Variants in NIPAL2 observed in about 807,000 individuals in gnomAD.
The protein encoded by NIPAL2 is NIPA-like protein 2.
NIPAL2 carries 43 observed loss-of-function variants against 48.9 expected under a neutral mutation model. The ratio of observed to expected loss-of-function variants is 0.88; its 90% CI spans 0.69 to 1.13. The LOEUF is 1.13. Among genes scored for constraint, NIPAL2 ranks in the 50% most tolerant of loss-of-function variants. The pLI is 0.00. For missense variants in NIPAL2, 446 were observed against 461.4 expected (o/e 0.97, Z 0.31); for synonymous variants, 167 against 174.6 (o/e 0.96, Z 0.34).
intron 1 of NIPAL2, among the ~76,000 whole-genome samples, chr8:98,263,952 C>A (rs1814535725): frequency 7.4e-6 from 1 of 135,820 alleles, no homozygotes; most frequent in African/African-American, 2.8e-5. Flanking sequence ...GGGCTTCATC[C>A]CTGGGATGCA....
At chr8:98,242,805 C>T (rs1813067526) in intron 3 of NIPAL2, among the ~76,000 whole-genome samples, 1 of 152,040 alleles carries the variant, frequency 6.6e-6, no homozygotes, top group Admixed American at 6.6e-5. Context: ...TATTCTTAAC[C>T]ATACAAAATG....
At chr8:98,284,399 TTCTCTC>T in intron 1 of NIPAL2, among the ~76,000 whole-genome samples, 1 of 117,322 alleles carries the variant, frequency 8.5e-6, no homozygotes, top group South Asian at 2.7e-4. Context: ...TTCTAAGGCA[TTCTCTC>T]TCTCTCTCTC....
chr8:98,252,715 A>G (rs1813663101), intron 2 of NIPAL2, 81 bp from the exon 3 acceptor site: 1 of 1,183,704 alleles, frequency 8.4e-7, no homozygotes, highest in South Asian at 1.6e-5. Context: ...GTATTCCTTT[A>G]ATTCTTTTTA....
At chr8:98,288,056 A>G (rs557385976) in intron 1 of NIPAL2, among the ~76,000 whole-genome samples, 1 of 152,280 alleles carries the variant, frequency 6.6e-6, no homozygotes, top group African/African-American at 2.4e-5. Flanking sequence ...TTTAATTATT[A>G]TACTTTAAGT....
intron 6 of NIPAL2, among the ~76,000 whole-genome samples, chr8:98,206,328 A>ATATC: frequency 6.7e-6 from 1 of 150,044 alleles, no homozygotes; most frequent in Admixed American, 6.6e-5. Flanking sequence ...ATATATATAT[A>ATATC]TGTATGTATG....
At chr8:98,193,252 A>C in intron 10 of NIPAL2, 162 bp from the exon 11 acceptor site, 1 of 1,132,874 alleles carries the variant, frequency 8.8e-7, no homozygotes. Context: ...AGGCCCTTGA[A>C]ACGCCATGTC....
chr8:98,246,067 A>G (rs768795536), intron 3 of NIPAL2, among the ~76,000 whole-genome samples: 90 of 152,204 alleles, frequency 5.9e-4, no homozygotes, highest in Non-Finnish European at 1.0e-3. Flanking sequence ...AATTCGCAGC[A>G]TCTAGGTTTG....
At chr8:98,233,526 A>C (rs532858803) in intron 4 of NIPAL2, among the ~76,000 whole-genome samples, 12 of 152,220 alleles carry the variant, frequency 7.9e-5, no homozygotes, top group African/African-American at 2.7e-4. Context: ...ACTGTCTTAC[A>C]TATTTGCCAG....
chr8:98,191,869 C>T lies in NIPAL2; in HGVS notation c.*1109G>A, dbSNP rs1025167502. ...GCTTCCTCTTGAAGCTCAGGTTTGA[C>T]CACTGGGTTGTTTTCTATGTCTACA... On this transcript the variant is annotated 3_prime_UTR_variant, in exon 11 of 11. Coordinates refer to ENST00000430223, the MANE Select transcript of NIPAL2 (RefSeq NM_001321635.2). 3 of 152,178 alleles carry T rather than the reference C, an allele frequency of 2.0e-5. No individual in the cohort carries two copies. The highest frequency in any genetic ancestry group is 4.4e-5 in the Non-Finnish European group (3 of 68,040). The allele number at this position is 152,178 out of a possible 1,614,324, so 9.4% of individuals were successfully genotyped here.
intron 5 of NIPAL2, among the ~76,000 whole-genome samples, chr8:98,221,277 C>T (rs1811857129): frequency 6.6e-6 from 1 of 151,724 alleles, no homozygotes; most frequent in East Asian, 1.9e-4. Flanking sequence ...TGCCCAGCCT[C>T]ATTTCATTCT....
chr8:98,294,113 G>A lies in NIPAL2; in HGVS notation c.25C>T (p.Pro9Ser). 1.4e-6 allele frequency: 2 copies of A among 1,474,640 alleles called. No individual in the cohort carries two copies. Among genetic ancestry groups the A allele is most frequent in the Non-Finnish European group, 1.8e-6 (2 of 1,112,236 alleles). The allele number at this position is 1,474,640 out of a possible 1,614,324, so 91.3% of individuals were successfully genotyped here. Residue 9 changes from proline to serine, a missense_variant, in exon 1 of 11, where the codon CCC becomes TCC. Pro to Ser is a moderately conservative substitution (Grantham distance 74). Coordinates refer to ENST00000430223, the MANE Select transcript of NIPAL2 (RefSeq NM_001321635.2). ...AGGGCGGCCGAGGCGGAGTCCCCGG[G>A]GCCCGCGGGCGCCACCGCTGCCATG... MAAVAPAG[P>S]GDSASAALDE...
chr8:98,287,189 C>T (rs1816225871), intron 1 of NIPAL2, among the ~76,000 whole-genome samples: 2 of 152,146 alleles, frequency 1.3e-5, no homozygotes, highest in South Asian at 4.1e-4. Flanking sequence ...GGTGGTCCTA[C>T]TGGTTGGTTA....
chr8:98,213,876 T>C (rs1454597822), intron 5 of NIPAL2, among the ~76,000 whole-genome samples: 5 of 152,210 alleles, frequency 3.3e-5, no homozygotes, highest in African/African-American at 1.2e-4. Context: ...CATATGTTTA[T>C]GTGTTTCTTG....
chr8:98,231,187 G>C (rs965041404), intron 4 of NIPAL2, among the ~76,000 whole-genome samples: 3 of 152,084 alleles, frequency 2.0e-5, no homozygotes, highest in Non-Finnish European at 4.4e-5. Flanking sequence ...CAGGCTTATG[G>C]TAGCTAAACC....
intron 4 of NIPAL2, 48 bp downstream of exon 4, chr8:98,236,107 T>C: frequency 7.8e-7 from 1 of 1,289,432 alleles, no homozygotes; most frequent in Non-Finnish European, 1.1e-6. Context: ...TATTATTTAT[T>C]TCCTGATCAA....
chr8:98,208,830 C>T (rs1361906400), intron 6 of NIPAL2, among the ~76,000 whole-genome samples: 25 of 152,198 alleles, frequency 1.6e-4, no homozygotes, highest in Admixed American at 1.6e-3. Flanking sequence ...TGACTACCCT[C>T]ACTTGCTATT....
At chr8:98,254,450 A>G (rs1813764807) in intron 1 of NIPAL2, among the ~76,000 whole-genome samples, 1 of 152,166 alleles carries the variant, frequency 6.6e-6, no homozygotes, top group Non-Finnish European at 1.5e-5. Context: ...TGTGATATGA[A>G]AGAAAGATCA....
intron 3 of NIPAL2, chr8:98,251,527 TG>T (rs1443795232): frequency 1.3e-5 from 2 of 152,176 alleles, no homozygotes; most frequent in Non-Finnish European, 1.5e-5. Context: ...GCAAAGTAAG[TG>T]TTTTTTGCTA....
chr8:98,262,652 A>C (rs1172134249), intron 1 of NIPAL2, among the ~76,000 whole-genome samples: 1 of 150,964 alleles, frequency 6.6e-6, no homozygotes, highest in East Asian at 1.9e-4. Context: ...ACCTACAAAG[A>C]GACTTAGACT....
Sources: allele counts gnomAD v4.1 joint callset (sites outside exome capture counted in the v4.1 genomes callset), GRCh38; gene constraint gnomAD v4.1.1; transcripts MANE v1.5; gene names NCBI Gene and HGNC (gene_info 2026-07-23, HGNC 2026-07-21).